CCNF: variants seen among roughly 807,000 people sequenced by gnomAD.
CCNF encodes cyclin F, also known as cyclin-F.
Under a neutral mutation model 85.4 loss-of-function variants are expected in CCNF, and 30 were observed. The observed-to-expected ratio is 0.35, with a 90% confidence interval of 0.26 to 0.48. The LOEUF (loss-of-function observed/expected upper bound fraction) is 0.48, where lower values mean the gene tolerates loss of function less well. Ranked by LOEUF, CCNF falls within the 20% of genes least tolerant of loss-of-function variation. The pLI is 0.99. For missense variants in CCNF, 919 were observed against 1,010.4 expected, an observed-to-expected ratio of 0.91 and a Z score of 1.23; for synonymous variants, 439 against 425.1, an observed-to-expected ratio of 1.03 and a Z score of -0.40.
intron 12 of CCNF, 24 bp from the exon 13 acceptor site, chr16:2,449,804 C>A: frequency 3.5e-6 from 2 of 577,924 alleles, no homozygotes; most frequent in Non-Finnish European, 5.0e-6. Flanking sequence ...ATCCCCTCCA[C>A]CCCTGGCCTG....
rs751657739 is a variant in CCNF at position 2,453,343 on chromosome 16, GGTGCTGGGGTGT to G, written c.1587+36_1587+47del. ...CTCCCGCCACCTGGGCGTCTCATGG[GGTGCTGGGGTGT>G]GGGCGGGCCTCACCCTCGGGGCCTC... On this transcript the variant is annotated intron_variant, in intron 14 of 16. Coordinates refer to ENST00000397066, the MANE Select transcript of CCNF (RefSeq NM_001761.3). This position sits in a 1 kb window ranked among gnomAD's most constrained non-coding sequence, Gnocchi z 5.6. 2 of 1,613,600 alleles carry G rather than the reference GGTGCTGGGGTGT, an allele frequency of 1.2e-6. No individual in the cohort carries two copies. The highest frequency in any genetic ancestry group is 2.7e-5 in the African/African-American group (2 of 74,914).
At chr16:2,438,914 C>T (rs2065306334) in intron 6 of CCNF, among the ~76,000 whole-genome samples, 1 of 148,510 alleles carries the variant, frequency 6.7e-6, no homozygotes, top group Admixed American at 6.7e-5. Context: ...ATGAGAGTTG[C>T]TTGAACCCGG....
chr16:2,449,066 G>A lies in CCNF; in HGVS notation c.1218+88G>A, dbSNP rs780656173. 9 of 1,553,706 alleles carry A rather than the reference G, an allele frequency of 5.8e-6. No homozygotes were observed. The Admixed American group carries it at 1.3e-4, about 23-fold the overall frequency. On this transcript the variant is annotated intron_variant, in intron 11 of 16. Coordinates refer to ENST00000397066, the MANE Select transcript of CCNF (RefSeq NM_001761.3). The stretch of plus-strand genomic sequence containing the variant: ...GGCATTCAGCTTTCCTGCTGTGGGA[G>A]GGCCTCATGGACTCAGAGAGCAGCT...
chr16:2,435,662 CACACATATATATATATATATATAT>C (rs2065286198), intron 3 of CCNF, 120 bp from the exon 4 acceptor site: 7 of 62,896 alleles, frequency 1.1e-4, no homozygotes, highest in African/African-American at 5.2e-4. Flanking sequence ...TATGCACACA[CACACATATATATATATATATATAT>C]ATATATATAT....
chr16:2,453,144 G>A lies in CCNF; in HGVS notation c.1488-66G>A, dbSNP rs1472054451. ...TTTTGCATTCTCATTGCTCACTTCAGTGAACTGAAGCTAAAAATGGGGTGG... is the reference window on the plus strand; with the variant it reads ...TTTTGCATTCTCATTGCTCACTTCAATGAACTGAAGCTAAAAATGGGGTGG... On this transcript the variant is annotated intron_variant, in intron 13 of 16. Coordinates refer to ENST00000397066, the MANE Select transcript of CCNF (RefSeq NM_001761.3). This position sits in a 1 kb window ranked among gnomAD's most constrained non-coding sequence, Gnocchi z 5.6. 7.2e-7 allele frequency: 1 copy of A among 1,390,578 alleles called. No individual in the cohort carries two copies. Among genetic ancestry groups the A allele is most frequent in the Non-Finnish European group, 1.0e-6 (1 of 977,840 alleles). 86.1% of individuals were successfully genotyped at this position (1,390,578 alleles called of 1,614,324 possible). A position where few individuals can be genotyped will look rare whatever the true frequency, so the allele number is the denominator to read the frequency against.
At chr16:2,449,776 A>ATCCCCTCCG (rs747267442) in intron 12 of CCNF, 52 bp from the exon 13 acceptor site, 9 of 383,530 alleles carry the variant, frequency 2.3e-5, no homozygotes, top group Admixed American at 1.6e-4. Context: ...CGTCCCCTCC[A>ATCCCCTCCG]TCCCCTCCGT....
At chr16:2,434,868 T>G (rs1223727490) in intron 3 of CCNF, among the ~76,000 whole-genome samples, 2 of 152,228 alleles carry the variant, frequency 1.3e-5, no homozygotes, top group Non-Finnish European at 2.9e-5. Flanking sequence ...CACGTGGTCT[T>G]TCGTGGCTGG....
intron 7 of CCNF, 40 bp downstream of exon 7, chr16:2,439,497 G>A: frequency 7.0e-7 from 1 of 1,420,620 alleles, no homozygotes. Context: ...AGTTATGCTG[G>A]ACAAAGGCGT....
rs768492901 is a variant in CCNF, at chr16:2,455,282, G to A, written c.1716-113G>A. On this transcript the variant is annotated intron_variant, in intron 15 of 16. Coordinates refer to ENST00000397066, the MANE Select transcript of CCNF (RefSeq NM_001761.3). ...CATCTTCTTCGTAGCAGAACCTTTG[G>A]GAGCACGTGGTGACAGGCTGGGGCA... The A allele has an allele frequency of 8.3e-5, 110 of 1,327,204 alleles. 1 individual carries two copies. In the Middle Eastern group the frequency reaches 1.8e-3, roughly 21 times the overall value. 82.2% of individuals were successfully genotyped at this position (1,327,204 alleles called of 1,614,324 possible). A position where few individuals can be genotyped will look rare whatever the true frequency, so the allele number is the denominator to read the frequency against.
At chr16:2,436,316 C>G (rs1168036752) in intron 4 of CCNF, 1 of 154,968 alleles carries the variant, frequency 6.5e-6, no homozygotes, top group Non-Finnish European at 1.4e-5. Context: ...CAGGTTAGAA[C>G]TGGCCTGGTG....
At chr16:2,433,279 C>T (rs1325137842) in intron 3 of CCNF, among the ~76,000 whole-genome samples, 3 of 152,200 alleles carry the variant, frequency 2.0e-5, no homozygotes, top group Admixed American at 1.3e-4. Context: ...AGTCAGTCAT[C>T]CCTCACGCCA....
At position 2,437,166 on chromosome 16, in the gene CCNF, C is replaced by T; in HGVS notation, c.384C>T (p.Gly128=). 6.2e-7 allele frequency: 1 copy of T among 1,610,096 alleles called. No homozygotes were observed. The highest frequency in any genetic ancestry group is 8.5e-7 in the Non-Finnish European group (1 of 1,177,114). The change falls in exon 5 of 17, where the codon GGC becomes GGT. Residue 128 remains glycine, a synonymous_variant. Coordinates refer to ENST00000397066, the MANE Select transcript of CCNF (RefSeq NM_001761.3). Reference sequence around the variant, plus strand: ...ATGAGGCCCGCGCAGAAGTGAATGGCCTGAAGGCCTCTCGCTTCTTCAGTC... The same window carrying T: ...ATGAGGCCCGCGCAGAAGTGAATGGTCTGAAGGCCTCTCGCTTCTTCAGTC... ...VSDEARAEVN[G]LKASRFFSLA...
Position 2,437,302 on chromosome 16 carries a change from G to A in CCNF, c.520G>A (p.Ala174Thr). ...CKAVVHESLR[A>T]ECQLQRTHKA... ...GGCCGTGGTTCACGAGAGCCTCAGG[G>A]CAGAGTGCCAGCTGCAGAGGGTGAG... The change falls in exon 5 of 17, where the codon GCA (alanine) becomes ACA (threonine). Residue 174 changes from alanine to threonine, a missense_variant. This residue lies in a region of CCNF where 410 missense variants were observed against 478.6 expected (regional missense o/e 0.86). Transcript: ENST00000397066. The A allele has an allele frequency of 1.3e-6, 2 of 1,597,746 alleles. No homozygotes were observed. The highest frequency in any genetic ancestry group is 1.1e-5 in the South Asian group (1 of 90,132).
At position 2,456,038 on chromosome 16, in the gene CCNF, G is replaced by A. The variant is rs1296097108; in HGVS notation, c.1885+474G>A. Among the ~76,000 whole-genome samples the A allele has an allele frequency of 3.3e-5, 5 of 152,238 alleles. No individual in the cohort carries two copies. The highest frequency in any genetic ancestry group is 6.5e-5 in the Admixed American group (1 of 15,290). On this transcript the variant is annotated intron_variant, in intron 16 of 16. Transcript: ENST00000397066. This position sits in a 1 kb window ranked among gnomAD's most constrained non-coding sequence, Gnocchi z 4.5. The stretch of plus-strand genomic sequence containing the variant: ...TAGCTGGGCATCGTGGCGTGCGCCT[G>A]TGGTCCCAGCTACTCAGGAGGCTGA...
At chr16:2,436,141 C>T (rs2065289936) in intron 4 of CCNF, 2 of 377,468 alleles carry the variant, frequency 5.3e-6, no homozygotes, top group Admixed American at 8.6e-5. Flanking sequence ...GAGCCAGAGC[C>T]TCAGCACGGG....
intron 1 of CCNF, among the ~76,000 whole-genome samples, chr16:2,430,427 C>G (rs796300912): frequency 6.6e-6 from 1 of 152,084 alleles, no homozygotes; most frequent in East Asian, 1.9e-4. Context: ...GAAGCATGTC[C>G]GGGCTGCCTG....
rs949983473 is a variant in CCNF, at chr16:2,448,884, G to A, written c.1124G>A (p.Arg375Gln). ...ATCAGTAAAGAGATCCTGACCATCC[G>A]GGAGGCCGTATGGCTCACGGACAAC... The part of the protein sequence containing the change: ...RFISKEILTI[R>Q]EAVWLTDNTY... Residue 375 changes from arginine to glutamine, a missense_variant, in exon 11 of 17, where the codon CGG (arginine) becomes CAG (glutamine). Physicochemically the swap from Arg to Gln is conservative, Grantham distance 43 (BLOSUM62 1). Around this residue, in one of 3 missense-constraint regions of CCNF, gnomAD observed 410 missense variants for 478.6 expected, o/e 0.86. Transcript: ENST00000397066. 2 of 1,613,856 alleles carry A rather than the reference G, an allele frequency of 1.2e-6. No individual in the cohort carries two copies. The highest frequency in any genetic ancestry group is 1.1e-5 in the South Asian group (1 of 91,072).
rs567516159 is a variant in CCNF, at chr16:2,451,565, T to A, written c.1488-1645T>A. Among the ~76,000 whole-genome samples, 89 of 152,088 alleles carry A rather than the reference T, an allele frequency of 5.9e-4. No homozygotes were observed. The highest frequency in any genetic ancestry group is 1.9e-3 in the African/African-American group (80 of 41,488). On this transcript the variant is annotated intron_variant, in intron 13 of 16. Coordinates refer to ENST00000397066, the MANE Select transcript of CCNF (RefSeq NM_001761.3). The surrounding 1 kb of genome is among the most constrained non-coding windows in gnomAD (Gnocchi z 4.3). ...ATCCAGCAGACTCAGCGGTGTGGGC[T>A]TTTTTTTCCTTTTTTGAGTTGGGGG... is the stretch of plus-strand genomic sequence containing the variant.
At chr16:2,443,300 T>A (rs1415375158) in intron 8 of CCNF, among the ~76,000 whole-genome samples, 1 of 150,818 alleles carries the variant, frequency 6.6e-6, no homozygotes, top group Non-Finnish European at 1.5e-5. Flanking sequence ...GTGCTCCTAT[T>A]CCTGGGTGTA....
Sources: gnomAD v4.1 joint callset for allele counts (sites outside exome capture counted in the v4.1 genomes callset) on GRCh38, gnomAD v4.1.1 for gene constraint, gnomAD v4.1.1 regional missense constraint, Gnocchi (gnomAD v3.1) non-coding constraint, MANE v1.5 for transcripts, NCBI Gene and HGNC (gene_info 2026-07-23, HGNC 2026-07-21) for gene names.